NUDCD3: variants seen among roughly 807,000 people sequenced by gnomAD.
NUDCD3 encodes the protein NudC domain containing 3.
In NUDCD3, 13 loss-of-function variants were observed where a neutral mutation model predicts 39.7. The ratio of observed to expected loss-of-function variants is 0.33; its 90% CI spans 0.21 to 0.52. The LOEUF is 0.52. Among genes scored for constraint, NUDCD3 ranks in the 20% least tolerant of loss-of-function variants. NUDCD3 has a pLI of 0.96. For missense variants in NUDCD3, 453 were observed against 458.1 expected, an observed-to-expected ratio of 0.99 and a Z score of 0.10; for synonymous variants, 175 against 172.4, an observed-to-expected ratio of 1.02 and a Z score of -0.12.
chr7:44,462,583 T>C (rs748876380), intron 2 of NUDCD3, among the ~76,000 whole-genome samples: 3 of 152,220 alleles, frequency 2.0e-5, no homozygotes, highest in Non-Finnish European at 4.4e-5. Flanking sequence ...TCCTACTTGA[T>C]CAGCAGCTCT....
Position 44,484,769 on chromosome 7 carries a change from G to A in NUDCD3, c.509+199C>T, listed in dbSNP as rs986745001. 1.4e-5 allele frequency: 8 copies of A among 561,980 alleles called. No homozygotes were observed. In the Admixed American group the frequency reaches 2.2e-4, roughly 15 times the overall value. The allele number at this position is 561,980 out of a possible 1,614,324, so 34.8% of individuals were successfully genotyped here. ...TGTATGACTACTGACCTTACCAAAT[G>A]AGGGAACTGACCTTAAGCCAACTGA... On this transcript the variant is annotated intron_variant, in intron 2 of 5. Coordinates refer to ENST00000355451, the MANE Select transcript of NUDCD3 (RefSeq NM_015332.4).
intron 4 of NUDCD3, 65 bp from the exon 5 acceptor site, chr7:44,392,550 G>T: frequency 6.9e-7 from 1 of 1,443,800 alleles, no homozygotes; most frequent in Admixed American, 1.8e-5. Flanking sequence ...GCTGGGGACA[G>T]AGCAGAGCCC....
At chr7:44,434,374 CACA>C (rs1391496266) in intron 2 of NUDCD3, among the ~76,000 whole-genome samples, 2 of 152,294 alleles carry the variant, frequency 1.3e-5, no homozygotes, top group African/African-American at 4.8e-5. Flanking sequence ...CAGGCTTCCA[CACA>C]GACAAGCACC....
intron 4 of NUDCD3, among the ~76,000 whole-genome samples, chr7:44,392,783 A>T (rs1364928385): frequency 6.6e-6 from 1 of 152,086 alleles, no homozygotes; most frequent in Non-Finnish European, 1.5e-5. Flanking sequence ...GATACTCAGG[A>T]CAGTGCCTGT....
In NUDCD3 at chr7:44,385,887, TGAAA is replaced by T. The variant is rs1798392222; in HGVS notation, c.*120_*123del. Reference sequence around the variant, plus strand: ...CAGGGTGGAAGGCCTGGTTCACCCTTGAAAGAAAGGATGGCTAGGGGTAAACAAG... The same window carrying T: ...CAGGGTGGAAGGCCTGGTTCACCCTTGAAAGGATGGCTAGGGGTAAACAAG... On this transcript the variant is annotated 3_prime_UTR_variant, in exon 6 of 6. Transcript: ENST00000355451. 6.2e-6 allele frequency: 4 copies of T among 643,202 alleles called. No individual in the cohort carries two copies. Among genetic ancestry groups the T allele is most frequent in the Non-Finnish European group, 1.1e-5 (4 of 352,262 alleles). 39.8% of individuals were successfully genotyped at this position (643,202 alleles called of 1,614,324 possible).
At chr7:44,446,552 C>A (rs1799693568) in intron 2 of NUDCD3, among the ~76,000 whole-genome samples, 1 of 152,212 alleles carries the variant, frequency 6.6e-6, no homozygotes, top group Non-Finnish European at 1.5e-5. Context: ...TCCAGGCACG[C>A]CTGCTCTGAG....
At chr7:44,450,053 T>C in intron 2 of NUDCD3, among the ~76,000 whole-genome samples, 1 of 152,260 alleles carries the variant, frequency 6.6e-6, no homozygotes, top group African/African-American at 2.4e-5. Flanking sequence ...CCAATTTTTT[T>C]AAATGGACAA....
intron 2 of NUDCD3, among the ~76,000 whole-genome samples, chr7:44,473,944 C>A (rs1800306772): frequency 6.6e-6 from 1 of 152,028 alleles, no homozygotes; most frequent in African/African-American, 2.4e-5. Context: ...ACAAAACTTT[C>A]TTTTAATTAG....
At chr7:44,424,245 T>C (rs981358612) in intron 3 of NUDCD3, among the ~76,000 whole-genome samples, 1 of 152,166 alleles carries the variant, frequency 6.6e-6, no homozygotes, top group African/African-American at 2.4e-5. Context: ...AAAGACTTCA[T>C]GACTAAAACA....
intron 2 of NUDCD3, among the ~76,000 whole-genome samples, chr7:44,471,449 GTAACAA>G (rs1287809821): frequency 6.6e-6 from 1 of 152,182 alleles, no homozygotes; most frequent in African/African-American, 2.4e-5. Flanking sequence ...ACTGTACATG[GTAACAA>G]CCAGCTCAGG....
At chr7:44,398,028 T>C (rs570843511) in intron 4 of NUDCD3, among the ~76,000 whole-genome samples, 2 of 152,222 alleles carry the variant, frequency 1.3e-5, no homozygotes, top group South Asian at 4.1e-4. Flanking sequence ...CCTCAGTGGG[T>C]GGGGTGTTCA....
At chr7:44,424,767 A>C (rs973050773) in intron 3 of NUDCD3, among the ~76,000 whole-genome samples, 1 of 152,202 alleles carries the variant, frequency 6.6e-6, no homozygotes, top group Non-Finnish European at 1.5e-5. Flanking sequence ...ATACCATTTG[A>C]CCCAACAATC....
At chr7:44,420,616 T>C (rs1000180145) in intron 3 of NUDCD3, among the ~76,000 whole-genome samples, 16 of 152,168 alleles carry the variant, frequency 1.1e-4, no homozygotes, top group African/African-American at 3.6e-4. Context: ...TCAGGTTATC[T>C]ACAAAGGGAA....
chr7:44,446,267 GT>G (rs1314721739), intron 2 of NUDCD3, among the ~76,000 whole-genome samples: 1 of 152,186 alleles, frequency 6.6e-6, no homozygotes, highest in Admixed American at 6.5e-5. Context: ...AAGAGTTGCT[GT>G]TTTCATTACC....
intron 2 of NUDCD3, chr7:44,468,445 T>G: frequency 1.5e-6 from 1 of 664,008 alleles, no homozygotes; most frequent in East Asian, 2.7e-5. Context: ...GTGTCAGAGC[T>G]AGCAACTGAA....
At chr7:44,427,501 T>C in intron 3 of NUDCD3, 70 bp downstream of exon 3, 2 of 1,537,034 alleles carry the variant, frequency 1.3e-6, no homozygotes, top group South Asian at 2.5e-5. Flanking sequence ...AGGATGCTGG[T>C]GGGTCTTCCC....
At chr7:44,431,736 G>C (rs539679246) in intron 2 of NUDCD3, among the ~76,000 whole-genome samples, 2 of 138,218 alleles carry the variant, frequency 1.4e-5, no homozygotes, top group African/African-American at 5.4e-5. Flanking sequence ...GCAGTGCCAC[G>C]ATCTCGGCTC....
Position 44,431,668 on chromosome 7 carries a change from C to CTTT in NUDCD3, c.510-3968_510-3966dup, listed in dbSNP as rs755819096. Among the ~76,000 whole-genome samples, 797 of 120,816 alleles carry CTTT rather than the reference C, an allele frequency of 6.6e-3. 11 individuals are homozygous for CTTT. The highest frequency in any genetic ancestry group is 0.011 in the Non-Finnish European group (602 of 57,192). The allele number at this position is 120,816 out of a possible 152,430, so 79.3% of individuals were successfully genotyped here. A position where few individuals can be genotyped will look rare whatever the true frequency, so the allele number is the denominator to read the frequency against. On this transcript the variant is annotated intron_variant, in intron 2 of 5. Coordinates refer to ENST00000355451, the MANE Select transcript of NUDCD3 (RefSeq NM_015332.4). The stretch of plus-strand genomic sequence containing the variant: ...GAAACAAAAAGGTCCTCTCTCCTTC[C>CTTT]TTTTTTTTTTTTTTTTTTTTTTGAG...
In NUDCD3 at chr7:44,397,195, G is replaced by A. The variant is rs192326721; in HGVS notation, c.787-4710C>T. Among the ~76,000 whole-genome samples, 14 of 152,344 alleles carry A rather than the reference G, an allele frequency of 9.2e-5. No individual in the cohort carries two copies. The East Asian group carries it at 1.9e-3, about 21-fold the overall frequency. The stretch of plus-strand genomic sequence containing the variant: ...TCACACAGTGTGCAGCCCTGTATCT[G>A]CTGCCTCCTTTGAGTGTGGGGACTC... On this transcript the variant is annotated intron_variant, in intron 4 of 5. Coordinates refer to ENST00000355451, the MANE Select transcript of NUDCD3 (RefSeq NM_015332.4).
Sources: allele counts gnomAD v4.1 joint callset (sites outside exome capture counted in the v4.1 genomes callset), GRCh38; gene constraint gnomAD v4.1.1; transcripts MANE v1.5; gene names NCBI Gene and HGNC (gene_info 2026-07-23, HGNC 2026-07-21).